The following ARMS2 variants were observed in gnomAD, a reference collection of about 807,000 sequenced individuals.
ARMS2 encodes age-related maculopathy susceptibility protein 2.
ARMS2 carries 4 observed loss-of-function variants against 6.0 expected under a neutral mutation model. That is an observed-to-expected ratio of 0.67 (90% CI 0.33 to 1.53). The LOEUF is 1.53. ARMS2 is among the 40% of genes most tolerant of loss of function. ARMS2 has a pLI of 0.06. For missense variants in ARMS2, 99 were observed against 127.6 expected (o/e 0.78, Z 1.08); for synonymous variants, 49 against 51.7 (o/e 0.95, Z 0.22).
intron 1 of ARMS2, among the ~76,000 whole-genome samples, chr10:122,455,841 C>T (rs963921086): frequency 5.9e-5 from 9 of 151,978 alleles, no homozygotes; most frequent in South Asian, 2.1e-4. Context: ...TAAATGTGAG[C>T]GCGCTCAGCT....
intron 1 of ARMS2, 140 bp from the exon 2 acceptor site, chr10:122,456,767 A>G: frequency 7.9e-7 from 1 of 1,270,810 alleles, no homozygotes; most frequent in Non-Finnish European, 1.1e-6. Context: ...TAATTGTTAC[A>G]AAAGGAATGG....
At chr10:122,455,218 C>T (rs972519734) in intron 1 of ARMS2, among the ~76,000 whole-genome samples, 194 bp downstream of exon 1, 1 of 152,184 alleles carries the variant, frequency 6.6e-6, no homozygotes, top group Admixed American at 6.5e-5. Flanking sequence ...TTGGGAATAT[C>T]AGTAAATACT....
chr10:122,456,394 G>T (rs185435914), intron 1 of ARMS2, among the ~76,000 whole-genome samples: 29 of 151,990 alleles, frequency 1.9e-4, no homozygotes, highest in African/African-American at 6.3e-4. Context: ...GGTGGCTCAT[G>T]GCTGTATACC....
At chr10:122,456,529 CT>C (rs2097477241) in intron 1 of ARMS2, among the ~76,000 whole-genome samples, 1 of 151,954 alleles carries the variant, frequency 6.6e-6, no homozygotes, top group African/African-American at 2.4e-5. Flanking sequence ...GTGGCAGCAC[CT>C]GTAATCCCAG....
At chr10:122,456,317 G>T (rs2097477066) in intron 1 of ARMS2, among the ~76,000 whole-genome samples, 1 of 151,108 alleles carries the variant, frequency 6.6e-6, no homozygotes, top group Admixed American at 6.6e-5. Flanking sequence ...AAAGAAAAAA[G>T]AAAAAAAGAA....
chr10:122,456,166 T>C (rs956415253), intron 1 of ARMS2, among the ~76,000 whole-genome samples: 84 of 152,108 alleles, frequency 5.5e-4, no homozygotes, highest in African/African-American at 1.9e-3. Context: ...GCAGCAGGCC[T>C]GGGGTTGGCT....
In ARMS2 at chr10:122,454,790, G is replaced by A. The variant is rs748031796; in HGVS notation, c.63G>A (p.Met21Ile). ...CGGAGGGGAAAGGAGGGCCTGAGAT[G>A]GCAAGTCTGTCCTCCTCGGTGGTTC... is the stretch of plus-strand genomic sequence containing the variant. ...TEAEGKGGPE[M>I]ASLSSSVVPV... Residue 21 changes from methionine to isoleucine, a missense_variant, in exon 1 of 2, where the codon ATG becomes ATA. Coordinates refer to ENST00000528446, the MANE Select transcript of ARMS2 (RefSeq NM_001099667.3). The A allele has an allele frequency of 1.2e-6, 2 of 1,614,004 alleles. No individual in the cohort carries two copies. Among genetic ancestry groups the A allele is most frequent in the Admixed American group, 1.7e-5 (1 of 60,030 alleles).
Position 122,457,041 on chromosome 10 carries a change from G to T in ARMS2, c.*108G>T. ...GAGGGAGTCCCTCACAACCTAGACTGGTCCCCTTCCCTCCAGCTGCCTCAA... is the reference window on the plus strand; with the variant it reads ...GAGGGAGTCCCTCACAACCTAGACTTGTCCCCTTCCCTCCAGCTGCCTCAA... On this transcript the variant is annotated 3_prime_UTR_variant, in exon 2 of 2. Transcript: ENST00000528446. 2.1e-6 allele frequency: 3 copies of T among 1,425,248 alleles called. No homozygotes were observed. Among genetic ancestry groups the T allele is most frequent in the Non-Finnish European group, 2.9e-6 (3 of 1,043,594 alleles). 88.3% of individuals were successfully genotyped at this position (1,425,248 alleles called of 1,614,324 possible).
chr10:122,456,934 T>TCCC lies in ARMS2; in HGVS notation c.*1_*2insCCC. On this transcript the variant is annotated 3_prime_UTR_variant, in exon 2 of 2. Transcript: ENST00000528446. ...TATCATCCACACTGCAGCAAGGTGA[T>TCCC]TCTGCCAAAACATATCTCCTTAAAA... 6.4e-7 allele frequency: 1 copy of TCCC among 1,551,532 alleles called. No homozygotes were observed. The highest frequency in any genetic ancestry group is 8.7e-7 in the Non-Finnish European group (1 of 1,146,934).
Position 122,454,776 on chromosome 10 carries a change from G to A in ARMS2, c.49G>A (p.Gly17Arg), listed in dbSNP as rs768487894. 4.3e-6 allele frequency: 7 copies of A among 1,613,978 alleles called. No homozygotes were observed. The highest frequency in any genetic ancestry group is 5.9e-6 in the Non-Finnish European group (7 of 1,179,876). Residue 17 changes from glycine to arginine, a missense_variant, in exon 1 of 2, where the codon GGA (glycine) becomes AGA (arginine). By Grantham distance (125) the Gly-to-Arg change is moderately radical. Transcript: ENST00000528446. ...GPMVTEAEGK[G>R]GPEMASLSSS... ...GATGGTAACTGAGGCGGAGGGGAAA[G>A]GAGGGCCTGAGATGGCAAGTCTGTC...
In ARMS2 at chr10:122,457,060, G is replaced by C; in HGVS notation, c.*127G>C. ...TAGACTGGTCCCCTTCCCTCCAGCT[G>C]CCTCAACTGTCCACAGGACTCTCTT... On this transcript the variant is annotated 3_prime_UTR_variant, in exon 2 of 2. Transcript: ENST00000528446. The C allele has an allele frequency of 7.9e-7, 1 of 1,263,026 alleles. No homozygotes were observed. Among genetic ancestry groups the C allele is most frequent in the Non-Finnish European group, 1.1e-6 (1 of 905,962 alleles). 78.2% of individuals were successfully genotyped at this position (1,263,026 alleles called of 1,614,324 possible). A position where few individuals can be genotyped will look rare whatever the true frequency, so the allele number is the denominator to read the frequency against.
At chr10:122,455,976 C>A (rs1239462055) in intron 1 of ARMS2, among the ~76,000 whole-genome samples, 1 of 151,974 alleles carries the variant, frequency 6.6e-6, no homozygotes, top group African/African-American at 2.4e-5. Flanking sequence ...AAAATTTGAT[C>A]ACATGCCATG....
At position 122,456,930 on chromosome 10, in the gene ARMS2, G is replaced by A; in HGVS notation, c.321G>A (p.Arg107=). Residue 107 remains arginine (R), a synonymous_variant, in exon 2 of 2, where the codon AGG becomes AGA. Coordinates refer to ENST00000528446, the MANE Select transcript of ARMS2 (RefSeq NM_001099667.3). The part of the protein sequence containing the change: ...LTLSIIHTAA[R] ...AGTCTATCATCCACACTGCAGCAAG[G>A]TGATTCTGCCAAAACATATCTCCTT... 3 of 1,551,198 alleles carry A rather than the reference G, an allele frequency of 1.9e-6. No individual in the cohort carries two copies. The highest frequency in any genetic ancestry group is 2.4e-5 in the South Asian group (2 of 83,990).
intron 1 of ARMS2, among the ~76,000 whole-genome samples, chr10:122,456,548 G>A (rs2097477257): frequency 6.6e-6 from 1 of 152,014 alleles, no homozygotes; most frequent in Non-Finnish European, 1.5e-5. Context: ...CAGCTACTTG[G>A]GAGGCTGAGG....
In ARMS2 at chr10:122,455,017, T is replaced by A; in HGVS notation, c.290T>A (p.Leu97Gln). 1 of 1,544,984 alleles carries A rather than the reference T, an allele frequency of 6.5e-7. No homozygotes were observed. Among genetic ancestry groups the A allele is most frequent in the Non-Finnish European group, 8.9e-7 (1 of 1,122,664 alleles). Residue 97 changes from leucine (L) to glutamine (Q), a missense_variant, in exon 1 of 2, where the codon CTG becomes CAG. Physicochemically the swap from Leu to Gln is moderately radical, Grantham distance 113 (BLOSUM62 -2). Coordinates refer to ENST00000528446, the MANE Select transcript of ARMS2 (RefSeq NM_001099667.3). The part of the protein sequence containing the change: ...QRRFQQPQHH[L>Q]TLSIIHTAAR ...AGGTTCCAGCAGCCTCAGCACCACC[T>A]GACACTGGTAAGAAATGCAGATGAT...
chr10:122,455,590 T>C (rs935081322), intron 1 of ARMS2, among the ~76,000 whole-genome samples: 2 of 152,170 alleles, frequency 1.3e-5, no homozygotes, highest in Non-Finnish European at 2.9e-5. Flanking sequence ...TGGTTTAAAA[T>C]TTAGACATCA....
chr10:122,456,190 A>G (rs968191536), intron 1 of ARMS2, among the ~76,000 whole-genome samples: 2 of 152,034 alleles, frequency 1.3e-5, no homozygotes, highest in Non-Finnish European at 2.9e-5. Flanking sequence ...AAGTATCTAT[A>G]TTTAACTAAT....
chr10:122,457,178 A>G lies in ARMS2; in HGVS notation c.*245A>G. 2.2e-6 allele frequency: 1 copy of G among 455,514 alleles called. No homozygotes were observed. The highest frequency in any genetic ancestry group is 3.9e-6 in the Non-Finnish European group (1 of 259,234). The allele number at this position is 455,514 out of a possible 1,614,324, so 28.2% of individuals were successfully genotyped here. A position where few individuals can be genotyped will look rare whatever the true frequency, so the allele number is the denominator to read the frequency against. On this transcript the variant is annotated 3_prime_UTR_variant, in exon 2 of 2. Coordinates refer to ENST00000528446, the MANE Select transcript of ARMS2 (RefSeq NM_001099667.3). Reference sequence around the variant, plus strand: ...ATTGGATGCATCTTCTGCTCTGTGCAGCTGGTGAAATCTTTCTCAACCCTT... The same window carrying G: ...ATTGGATGCATCTTCTGCTCTGTGCGGCTGGTGAAATCTTTCTCAACCCTT...
intron 1 of ARMS2, among the ~76,000 whole-genome samples, chr10:122,456,419 C>T (rs997952672): frequency 4.6e-5 from 7 of 151,956 alleles, no homozygotes; most frequent in African/African-American, 1.7e-4. Flanking sequence ...CTTTGGGAGG[C>T]CAAGGTGGGC....
Sources: allele counts gnomAD v4.1 joint callset (sites outside exome capture counted in the v4.1 genomes callset), GRCh38; gene constraint gnomAD v4.1.1; transcripts MANE v1.5; gene names NCBI Gene and HGNC (gene_info 2026-07-23, HGNC 2026-07-21).